Variants in ATP8A2 observed in about 807,000 individuals in gnomAD.
The protein encoded by ATP8A2 is phospholipid-transporting ATPase IB.
A neutral mutation model predicts 165.6 loss-of-function variants in ATP8A2; 100 were observed. That is an observed-to-expected ratio of 0.60 (90% confidence interval 0.51 to 0.71). ATP8A2 has a LOEUF of 0.71. Among genes scored for constraint, ATP8A2 ranks in the 30% least tolerant of loss-of-function variants. The pLI, the probability that ATP8A2 is intolerant of heterozygous loss-of-function variation, is 0.00. For missense variants in ATP8A2, 1,227 were observed against 1,479.5 expected, an observed-to-expected ratio of 0.83 and a Z score of 2.80; for synonymous variants, 543 against 548.8, an observed-to-expected ratio of 0.99 and a Z score of 0.15.
At chr13:25,977,628 G>T (rs1475316746) in intron 35 of ATP8A2, among the ~76,000 whole-genome samples, 4 of 152,106 alleles carry the variant, frequency 2.6e-5, no homozygotes, top group Non-Finnish European at 5.9e-5. Flanking sequence ...AATTCCAAGA[G>T]CCTGTTGTTG....
intron 27 of ATP8A2, among the ~76,000 whole-genome samples, chr13:25,777,216 C>A (rs569859267): frequency 1.0e-3 from 152 of 152,264 alleles, no homozygotes; most frequent in African/African-American, 3.5e-3. Context: ...TTTAGTATTT[C>A]TCGGGGATAT....
In ATP8A2 at chr13:25,953,943, G is replaced by A. The variant is rs9578943; in HGVS notation, c.3184-7632G>A. On this transcript the variant is annotated intron_variant, in intron 33 of 36. Transcript: ENST00000381655. The surrounding 1 kb of genome is among the most constrained non-coding windows in gnomAD (Gnocchi z 6.7). ...CTGCATGGCTGTTTCGGCAGACACCGAGCTAGCTGCAGGAGTTTTTTTTTT... is the reference window on the plus strand; with the variant it reads ...CTGCATGGCTGTTTCGGCAGACACCAAGCTAGCTGCAGGAGTTTTTTTTTT... Among the ~76,000 whole-genome samples, 2,754 of 143,002 alleles carry A rather than the reference G, an allele frequency of 0.019. 44 individuals are homozygous for A. The highest frequency in any genetic ancestry group is 0.033 in the Admixed American group (466 of 13,970). 93.8% of individuals were successfully genotyped at this position (143,002 alleles called of 152,430 possible). A position where few individuals can be genotyped will look rare whatever the true frequency, so the allele number is the denominator to read the frequency against.
intron 33 of ATP8A2, among the ~76,000 whole-genome samples, chr13:25,893,983 T>C (rs968708286): frequency 1.4e-4 from 22 of 152,364 alleles, no homozygotes; most frequent in Non-Finnish European, 2.2e-4. Flanking sequence ...TTCTGTAGGA[T>C]GCCTGTTCAC....
At chr13:25,718,220 GTA>G (rs2043297914) in intron 25 of ATP8A2, among the ~76,000 whole-genome samples, 1 of 91,884 alleles carries the variant, frequency 1.1e-5, no homozygotes, top group South Asian at 2.6e-4. Flanking sequence ...TTATTTTGTC[GTA>G]ATAAAATAGA....
rs564113937 is a variant in ATP8A2, at chr13:25,750,192, G to A, written c.2385-18854G>A. ...TGAAGTCCTCCCTGAAGGGTCACTG[G>A]TCCAGTTCGTGTGGAAGACAGGCCG... is the stretch of plus-strand genomic sequence containing the variant. On this transcript the variant is annotated intron_variant, in intron 25 of 36. Coordinates refer to ENST00000381655, the MANE Select transcript of ATP8A2 (RefSeq NM_016529.6). The surrounding 1 kb of genome is among the most constrained non-coding windows in gnomAD (Gnocchi z 4.3). Among the ~76,000 whole-genome samples the A allele has an allele frequency of 8.4e-4, 128 of 152,228 alleles. No homozygotes were observed. The highest frequency in any genetic ancestry group is 3.0e-3 in the African/African-American group (126 of 41,534).
intron 25 of ATP8A2, among the ~76,000 whole-genome samples, chr13:25,738,815 T>C (rs1162209524): frequency 2.0e-5 from 3 of 152,240 alleles, no homozygotes; most frequent in Non-Finnish European, 4.4e-5. Flanking sequence ...GCAAGGTAAA[T>C]CTGCATCTGT....
At chr13:25,991,678 C>T (rs1012640365) in intron 35 of ATP8A2, among the ~76,000 whole-genome samples, 1 of 152,160 alleles carries the variant, frequency 6.6e-6, no homozygotes, top group African/African-American at 2.4e-5. Context: ...TCCATAGTTT[C>T]TTCCTGTTTA....
intron 25 of ATP8A2, among the ~76,000 whole-genome samples, chr13:25,753,192 A>G (rs1421001979): frequency 1.6e-4 from 25 of 152,192 alleles, no homozygotes; most frequent in Admixed American, 1.6e-3. Context: ...ACGTCCAAGA[A>G]CACTGTATGA....
chr13:25,562,033 T>C (rs2039171266), intron 15 of ATP8A2, among the ~76,000 whole-genome samples: 1 of 152,218 alleles, frequency 6.6e-6, no homozygotes, highest in South Asian at 2.1e-4. Context: ...CATGGGCATT[T>C]GTGTTGCTTC....
intron 33 of ATP8A2, among the ~76,000 whole-genome samples, chr13:25,885,678 C>A (rs150693831): frequency 5.9e-5 from 9 of 152,228 alleles, no homozygotes; most frequent in South Asian, 2.1e-4. Flanking sequence ...CCTATTTATT[C>A]TATGGTCTTG....
At chr13:25,961,789 C>A in intron 34 of ATP8A2, 126 bp downstream of exon 34, 1 of 736,878 alleles carries the variant, frequency 1.4e-6, no homozygotes. Context: ...CTCCTGCCAC[C>A]TGCCAGAAAT....
intron 26 of ATP8A2, among the ~76,000 whole-genome samples, chr13:25,769,834 G>A (rs1003617382): frequency 2.6e-5 from 4 of 152,166 alleles, no homozygotes; most frequent in African/African-American, 7.2e-5. Flanking sequence ...CCTGCAGTTA[G>A]GCCAAGTTCA....
chr13:25,728,452 C>T, intron 25 of ATP8A2, among the ~76,000 whole-genome samples: 1 of 152,176 alleles, frequency 6.6e-6, no homozygotes, highest in East Asian at 1.9e-4. Flanking sequence ...GTCATGTCTG[C>T]TGTTTTAGCT....
At chr13:25,665,100 C>T (rs7320864) in intron 24 of ATP8A2, among the ~76,000 whole-genome samples, 10,323 of 152,070 alleles carry the variant, frequency 0.068, 956 homozygotes, top group East Asian at 0.24. Flanking sequence ...TGGCCAGCAA[C>T]GAAGGCAGAG....
At chr13:26,001,325 A>G (rs1464688646) in intron 35 of ATP8A2, among the ~76,000 whole-genome samples, 1 of 152,198 alleles carries the variant, frequency 6.6e-6, no homozygotes, top group Non-Finnish European at 1.5e-5. Flanking sequence ...GCTTTTGTGA[A>G]TAACGCAGCT....
chr13:25,954,052 A>G (rs1041645270), intron 33 of ATP8A2, among the ~76,000 whole-genome samples: 3 of 152,120 alleles, frequency 2.0e-5, no homozygotes, highest in African/African-American at 7.2e-5. Flanking sequence ...GGAGCCAAGT[A>G]GTCTAGCTCA....
At position 25,915,976 on chromosome 13, in the gene ATP8A2, G is replaced by A. The variant is rs80335800; in HGVS notation, c.3184-45599G>A. Among the ~76,000 whole-genome samples the A allele has an allele frequency of 7.9e-5, 12 of 152,078 alleles. No homozygotes were observed. The East Asian group carries it at 1.5e-3, about 20-fold the overall frequency. The stretch of plus-strand genomic sequence containing the variant: ...CAAGAAATTTTTCTTTTTTTCTATC[G>A]TAGAGTTTGTGTAATTATTTACTTA... On this transcript the variant is annotated intron_variant, in intron 33 of 36. Coordinates refer to ENST00000381655, the MANE Select transcript of ATP8A2 (RefSeq NM_016529.6).
At chr13:25,769,958 A>G (rs2044583446) in intron 26 of ATP8A2, among the ~76,000 whole-genome samples, 1 of 152,214 alleles carries the variant, frequency 6.6e-6, no homozygotes, top group African/African-American at 2.4e-5. Context: ...CCAAAGGTGA[A>G]GGAAGATAGC....
intron 2 of ATP8A2, among the ~76,000 whole-genome samples, chr13:25,510,627 C>A (rs2037196111): frequency 6.6e-6 from 1 of 152,192 alleles, no homozygotes; most frequent in Admixed American, 6.5e-5. Context: ...ACAGTTTCCC[C>A]TTCTTTTATC....
Sources: gnomAD v4.1 joint callset for allele counts (sites outside exome capture counted in the v4.1 genomes callset) on GRCh38, gnomAD v4.1.1 for gene constraint, Gnocchi (gnomAD v3.1) non-coding constraint, MANE v1.5 for transcripts, NCBI Gene and HGNC (gene_info 2026-07-23, HGNC 2026-07-21) for gene names.